The following SSH2 variants were observed in gnomAD, a reference collection of about 807,000 sequenced individuals.
SSH2 encodes slingshot protein phosphatase 2, also known as protein phosphatase Slingshot homolog 2.
A neutral mutation model predicts 135.2 loss-of-function variants in SSH2; 37 were observed. The ratio of observed to expected loss-of-function variants is 0.27; its 90% CI spans 0.21 to 0.36. The LOEUF is 0.36. Ranked by LOEUF, SSH2 falls within the 10% of genes least tolerant of loss-of-function variation. The pLI, the probability that SSH2 is intolerant of heterozygous loss-of-function variation, is 1.00. For missense variants in SSH2, 1,408 were observed against 1,765.3 expected (o/e 0.80, Z 3.63); for synonymous variants, 628 against 646.2 (o/e 0.97, Z 0.43).
intron 5 of SSH2, 85 bp downstream of exon 5, chr17:29,695,374 G>A: frequency 9.9e-7 from 1 of 1,011,452 alleles, no homozygotes; most frequent in South Asian, 1.4e-5. Context: ...CCAGCACTGT[G>A]TTGGGATGTA....
chr17:29,848,815 A>G (rs1392890543), intron 2 of SSH2, 34 bp downstream of exon 2: 1 of 1,377,522 alleles, frequency 7.3e-7, no homozygotes, highest in African/African-American at 1.4e-5. Context: ...TACTTGAATC[A>G]CCAAAGTCTG....
At chr17:29,732,694 G>C (rs1403864893) in intron 3 of SSH2, among the ~76,000 whole-genome samples, 1 of 152,168 alleles carries the variant, frequency 6.6e-6, no homozygotes, top group African/African-American at 2.4e-5. Context: ...ATTAAAGATA[G>C]AAGGAGGCTT....
chr17:29,740,217 G>A (rs2151204191), intron 3 of SSH2, among the ~76,000 whole-genome samples: 1 of 152,320 alleles, frequency 6.6e-6, no homozygotes, highest in Middle Eastern at 3.4e-3. Context: ...GATCCGATCT[G>A]AAGAGAAGGT....
chr17:29,733,060 T>C (rs1308348407), intron 3 of SSH2, among the ~76,000 whole-genome samples: 1 of 152,160 alleles, frequency 6.6e-6, no homozygotes, highest in Non-Finnish European at 1.5e-5. Context: ...GAATCATCAT[T>C]GTATCAATTA....
chr17:29,829,356 C>T (rs1160941415), intron 2 of SSH2, among the ~76,000 whole-genome samples: 1 of 152,194 alleles, frequency 6.6e-6, no homozygotes, highest in Non-Finnish European at 1.5e-5. Context: ...CACACCATAA[C>T]ACCATACTAC....
At chr17:29,890,191 C>T (rs2066322202) in intron 1 of SSH2, among the ~76,000 whole-genome samples, 1 of 152,102 alleles carries the variant, frequency 6.6e-6, no homozygotes, top group Non-Finnish European at 1.5e-5. Context: ...GTGGAGTAAT[C>T]AGAGCCCTCA....
At chr17:29,634,115 C>T (rs2035796597) in intron 15 of SSH2, among the ~76,000 whole-genome samples, 1 of 152,184 alleles carries the variant, frequency 6.6e-6, no homozygotes, top group Admixed American at 6.5e-5. Flanking sequence ...AAGGAGAGCA[C>T]AAGCATCCTG....
chr17:29,630,655 ATC>A lies in SSH2; in HGVS notation c.*184_*185del, dbSNP rs567696601. On this transcript the variant is annotated 3_prime_UTR_variant, in exon 16 of 16. Transcript: ENST00000540801. The stretch of plus-strand genomic sequence containing the variant: ...ATAAACGGTCTTGCCATCCAGATCA[ATC>A]TCTCTTTCCCCTTACATATACACAC... 6.0e-4 allele frequency: 264 copies of A among 441,716 alleles called. No individual in the cohort carries two copies. Among genetic ancestry groups the A allele is most frequent in the Non-Finnish European group, 8.8e-4 (226 of 256,924 alleles). The allele number at this position is 441,716 out of a possible 1,614,324, so 27.4% of individuals were successfully genotyped here.
chr17:29,691,948 G>C (rs1363147906), intron 5 of SSH2, among the ~76,000 whole-genome samples: 1 of 151,326 alleles, frequency 6.6e-6, no homozygotes, highest in Non-Finnish European at 1.5e-5. Flanking sequence ...AGACCAGCCT[G>C]GCCAACATGG....
chr17:29,772,952 CCA>C (rs1446083417), intron 3 of SSH2, among the ~76,000 whole-genome samples: 16 of 152,064 alleles, frequency 1.1e-4, no homozygotes, highest in Non-Finnish European at 2.9e-5. Context: ...CCCGGTGTCT[CCA>C]GCTTGCAGAT....
intron 3 of SSH2, chr17:29,787,780 G>T (rs572647098): frequency 1.8e-4 from 28 of 151,474 alleles, no homozygotes; most frequent in African/African-American, 6.8e-4. Context: ...TACCCAGGCT[G>T]GAGTGCAGTG....
At chr17:29,894,503 T>TA (rs2151449111) in intron 1 of SSH2, among the ~76,000 whole-genome samples, 1 of 152,264 alleles carries the variant, frequency 6.6e-6, no homozygotes, top group Non-Finnish European at 1.5e-5. Context: ...CTAGATTACT[T>TA]ACGATACCTA....
chr17:29,861,964 A>G (rs1414553849), intron 1 of SSH2, among the ~76,000 whole-genome samples: 2 of 152,226 alleles, frequency 1.3e-5, no homozygotes, highest in East Asian at 3.8e-4. Flanking sequence ...TGGGAAATAC[A>G]ACACTATAGT....
intron 3 of SSH2, among the ~76,000 whole-genome samples, chr17:29,743,195 C>T (rs768025726): frequency 4.6e-5 from 7 of 152,128 alleles, no homozygotes; most frequent in Non-Finnish European, 7.4e-5. Flanking sequence ...GGATTACAGG[C>T]GTGACCACCA....
chr17:29,723,983 T>C (rs1466105235), intron 3 of SSH2, among the ~76,000 whole-genome samples: 1 of 152,096 alleles, frequency 6.6e-6, no homozygotes, highest in African/African-American at 2.4e-5. Flanking sequence ...GGAAATCTCT[T>C]GTTCAGGCAC....
chr17:29,849,547 G>C (rs551770105), intron 1 of SSH2, among the ~76,000 whole-genome samples: 1 of 150,456 alleles, frequency 6.6e-6, no homozygotes, highest in South Asian at 2.1e-4. Flanking sequence ...ACTCTTCTCA[G>C]ACTGGGGATA....
intron 3 of SSH2, among the ~76,000 whole-genome samples, chr17:29,773,672 TA>T (rs1359590205): frequency 1.1e-4 from 17 of 152,310 alleles, no homozygotes; most frequent in East Asian, 9.6e-4. Flanking sequence ...TCATTTGGGT[TA>T]TTTTTTTTAT....
At chr17:29,727,975 G>A (rs894526760) in intron 3 of SSH2, among the ~76,000 whole-genome samples, 2 of 152,184 alleles carry the variant, frequency 1.3e-5, no homozygotes, top group African/African-American at 4.8e-5. Flanking sequence ...GAGGCCAGGA[G>A]TTCGAGACAA....
intron 3 of SSH2, among the ~76,000 whole-genome samples, chr17:29,738,955 C>T (rs1389852898): frequency 6.6e-6 from 1 of 152,164 alleles, no homozygotes; most frequent in Non-Finnish European, 1.5e-5. Context: ...TGTGAAAACA[C>T]TTTTAAAACT....
Sources: allele counts gnomAD v4.1 joint callset (sites outside exome capture counted in the v4.1 genomes callset), GRCh38; gene constraint gnomAD v4.1.1; transcripts MANE v1.5; gene names NCBI Gene and HGNC (gene_info 2026-07-23, HGNC 2026-07-21).